Variants in HPSE2 observed in about 807,000 individuals in gnomAD.
The protein encoded by HPSE2 is inactive heparanase-2.
A neutral mutation model predicts 60.5 loss-of-function variants in HPSE2; 38 were observed. That is an observed-to-expected ratio of 0.63 (90% CI 0.48 to 0.82). HPSE2 has a LOEUF of 0.82. Among genes scored for constraint, HPSE2 ranks in the 40% least tolerant of loss-of-function variants. The probability of loss-of-function intolerance (pLI) is 0.00; values close to 1 mark genes in which losing one functional copy is unlikely to be tolerated. For missense variants in HPSE2, 713 were observed against 740.4 expected, an observed-to-expected ratio of 0.96 and a Z score of 0.43; for synonymous variants, 295 against 293.2, an observed-to-expected ratio of 1.01 and a Z score of -0.06.
chr10:99,247,425 C>T, the HPSE2 span, among the ~76,000 whole-genome samples: 1 of 152,102 alleles, frequency 6.6e-6, no homozygotes, highest in Non-Finnish European at 1.5e-5. Context: ...ACATGATACC[C>T]GCTACCGCAA....
intron 6 of HPSE2, among the ~76,000 whole-genome samples, chr10:98,657,915 G>A (rs1947118834): frequency 6.6e-6 from 1 of 151,382 alleles, no homozygotes; most frequent in African/African-American, 2.4e-5. Flanking sequence ...GGACTACCTG[G>A]TATTTTTAGG....
chr10:98,735,757 C>T (rs781208450), intron 4 of HPSE2, among the ~76,000 whole-genome samples: 29 of 152,146 alleles, frequency 1.9e-4, no homozygotes, highest in Non-Finnish European at 4.4e-5. Context: ...CCATTAGCCC[C>T]TTTATTTTGG....
At chr10:98,993,278 T>A (rs1956568726) in intron 3 of HPSE2, among the ~76,000 whole-genome samples, 1 of 152,234 alleles carries the variant, frequency 6.6e-6, no homozygotes, top group Non-Finnish European at 1.5e-5. Flanking sequence ...CAGAGAGAAC[T>A]GCATGTATAA....
chr10:98,716,853 T>C (rs959829561), intron 5 of HPSE2, among the ~76,000 whole-genome samples: 5 of 152,080 alleles, frequency 3.3e-5, no homozygotes, highest in African/African-American at 1.2e-4. Context: ...GTGTAAACTA[T>C]TCAGTAAACC....
chr10:98,480,529 G>T (rs912501533), intron 11 of HPSE2, among the ~76,000 whole-genome samples: 1 of 152,154 alleles, frequency 6.6e-6, no homozygotes, highest in African/African-American at 2.4e-5. Context: ...CAGGGGTTAA[G>T]GTATGGCCAG....
At chr10:98,802,427 G>A (rs940892778) in intron 3 of HPSE2, among the ~76,000 whole-genome samples, 8 of 149,382 alleles carry the variant, frequency 5.4e-5, no homozygotes, top group African/African-American at 1.2e-4. Flanking sequence ...CCATTAACTC[G>A]TCATTTAGCA....
intron 9 of HPSE2, among the ~76,000 whole-genome samples, chr10:98,541,405 A>T (rs1048690204): frequency 3.3e-5 from 5 of 152,182 alleles, no homozygotes; most frequent in Non-Finnish European, 5.9e-5. Context: ...AAGATGGGTG[A>T]TTTCTGCATT....
chr10:98,836,689 A>G (rs1951797952), intron 3 of HPSE2, among the ~76,000 whole-genome samples: 1 of 152,216 alleles, frequency 6.6e-6, no homozygotes. Flanking sequence ...ACCTTGCTTT[A>G]AAGGGCTTTT....
At chr10:98,902,886 G>A (rs1953705563) in intron 3 of HPSE2, among the ~76,000 whole-genome samples, 1 of 152,052 alleles carries the variant, frequency 6.6e-6, no homozygotes, top group South Asian at 2.1e-4. Context: ...TTCCTCAAAT[G>A]GGTAAACCAG....
Position 99,198,232 on chromosome 10 carries a change from T to A in HPSE2, c.448+34116A>T, listed in dbSNP as rs534445906. 1.4e-4 allele frequency among the ~76,000 whole-genome samples: 21 copies of A among 152,310 alleles called. No individual in the cohort carries two copies. The East Asian group carries it at 4.1e-3, about 29-fold the overall frequency. ...AACTCACACGTTTCTGAATCTCAGA[T>A]ACCTCATCTTTAAAATGTGAGTAAT... On this transcript the variant is annotated intron_variant, in intron 2 of 11. Coordinates refer to ENST00000370552, the MANE Select transcript of HPSE2 (RefSeq NM_021828.5).
intron 9 of HPSE2, among the ~76,000 whole-genome samples, chr10:98,588,798 C>T (rs1945007675): frequency 6.6e-6 from 1 of 152,012 alleles, no homozygotes; most frequent in Non-Finnish European, 1.5e-5. Flanking sequence ...GATGATAGCA[C>T]ATGAGCCACA....
chr10:98,991,833 C>A (rs931132805), intron 3 of HPSE2, among the ~76,000 whole-genome samples: 1 of 152,106 alleles, frequency 6.6e-6, no homozygotes, highest in Non-Finnish European at 1.5e-5. Context: ...GTAAAGTAAA[C>A]CCAGTTAGCA....
intron 3 of HPSE2, among the ~76,000 whole-genome samples, chr10:99,048,519 C>A (rs1957913109): frequency 6.6e-6 from 1 of 152,048 alleles, no homozygotes; most frequent in Non-Finnish European, 1.5e-5. Context: ...AAATCAAAAC[C>A]ACAGTGAGAT....
chr10:98,781,615 A>G (rs1311498361), intron 3 of HPSE2, among the ~76,000 whole-genome samples: 1 of 152,228 alleles, frequency 6.6e-6, no homozygotes, highest in Non-Finnish European at 1.5e-5. Flanking sequence ...ATAAAAATAC[A>G]TATTTCAACT....
At chr10:98,508,688 G>A (rs1196500068) in intron 9 of HPSE2, among the ~76,000 whole-genome samples, 3 of 152,150 alleles carry the variant, frequency 2.0e-5, no homozygotes, top group Non-Finnish European at 4.4e-5. Flanking sequence ...CTCTCATGAA[G>A]GAACATTTAA....
At chr10:99,099,534 CCTGCCTGCCT>C (rs1843861455) in intron 3 of HPSE2, among the ~76,000 whole-genome samples, 1 of 152,216 alleles carries the variant, frequency 6.6e-6, no homozygotes, top group African/African-American at 2.4e-5. Context: ...CTAAAGGAAG[CCTGCCTGCCT>C]CTGTAGGCTC....
intron 3 of HPSE2, among the ~76,000 whole-genome samples, chr10:99,028,037 T>C (rs1050058899): frequency 6.6e-6 from 1 of 152,150 alleles, no homozygotes; most frequent in African/African-American, 2.4e-5. Context: ...GACCCACAGC[T>C]AGTATCATAC....
chr10:99,262,674 C>T, the HPSE2 span, among the ~76,000 whole-genome samples: 1 of 152,152 alleles, frequency 6.6e-6, no homozygotes, highest in Admixed American at 6.5e-5. Flanking sequence ...CTTACAATTG[C>T]CCCATTTTAC....
At chr10:98,727,682 A>G (rs111239536) in intron 4 of HPSE2, among the ~76,000 whole-genome samples, 2 of 151,918 alleles carry the variant, frequency 1.3e-5, no homozygotes, top group Non-Finnish European at 2.9e-5. Flanking sequence ...ACAACAACAA[A>G]AAAAAACAAA....
Sources: allele counts gnomAD v4.1 joint callset (sites outside exome capture counted in the v4.1 genomes callset), GRCh38; gene constraint gnomAD v4.1.1; transcripts MANE v1.5; gene names NCBI Gene and HGNC (gene_info 2026-07-23, HGNC 2026-07-21).